The following AUTS2 variants were observed in gnomAD, a reference collection of about 807,000 sequenced individuals.
The protein encoded by AUTS2 is activator of transcription and developmental regulator AUTS2.
In AUTS2, 17 loss-of-function variants were observed where a neutral mutation model predicts 112.4. The observed-to-expected ratio is 0.15, with a 90% confidence interval of 0.10 to 0.23. The LOEUF is 0.23. AUTS2 is among the 10% of genes least tolerant of loss of function. The pLI, the probability that AUTS2 is intolerant of heterozygous loss-of-function variation, is 1.00. For synonymous variants in AUTS2, 751 were observed against 702.7 expected (o/e 1.07, Z -1.09); for missense variants, 1,510 against 1,701.6 (o/e 0.89, Z 1.98).
intron 2 of AUTS2, among the ~76,000 whole-genome samples, chr7:70,090,027 A>AATAC (rs1382868642): frequency 1.3e-5 from 2 of 150,868 alleles, no homozygotes; most frequent in African/African-American, 4.8e-5. Flanking sequence ...TAAATAAATA[A>AATAC]ATAAATAAAT....
At chr7:70,530,095 C>G (rs1800016418) in intron 5 of AUTS2, among the ~76,000 whole-genome samples, 1 of 152,112 alleles carries the variant, frequency 6.6e-6, no homozygotes, top group Non-Finnish European at 1.5e-5. Context: ...AAGGGAGATT[C>G]TAGACAACAT....
At chr7:70,213,666 GAAT>G (rs1811035150) in intron 4 of AUTS2, among the ~76,000 whole-genome samples, 3 of 152,142 alleles carry the variant, frequency 2.0e-5, no homozygotes, top group Non-Finnish European at 2.9e-5. Context: ...TCATACACTG[GAAT>G]GAGCTCTAAA....
At chr7:70,341,998 G>A in intron 4 of AUTS2, among the ~76,000 whole-genome samples, 1 of 152,210 alleles carries the variant, frequency 6.6e-6, no homozygotes, top group Non-Finnish European at 1.5e-5. Context: ...CCTCTCTGGA[G>A]GGCATGAAAC....
intron 5 of AUTS2, among the ~76,000 whole-genome samples, chr7:70,599,931 G>A (rs1207188646): frequency 6.6e-6 from 1 of 152,182 alleles, no homozygotes; most frequent in Non-Finnish European, 1.5e-5. Flanking sequence ...CACTGAAGTT[G>A]GGAGAAGCTC....
intron 6 of AUTS2, among the ~76,000 whole-genome samples, chr7:70,737,186 T>A (rs953366409): frequency 5.9e-5 from 9 of 152,192 alleles, no homozygotes; most frequent in Admixed American, 3.3e-4. Flanking sequence ...ATTTGGGTAG[T>A]GCATGCAGGC....
Position 70,789,742 on chromosome 7 carries a change from C to T in AUTS2, c.2532-6C>T. On this transcript the variant is annotated splice_polypyrimidine_tract_variant and splice_region_variant and intron_variant, in intron 18 of 18. Transcript: ENST00000342771. The stretch of plus-strand genomic sequence containing the variant: ...CTGCGTCCTTGTCTTCCCCTCTCTC[C>T]CCCAGGGAAAGCGTCGAGAAGAGAC... 9 of 1,608,574 alleles carry T rather than the reference C, an allele frequency of 5.6e-6. No individual in the cohort carries two copies. Among genetic ancestry groups the T allele is most frequent in the African/African-American group, 1.3e-5 (1 of 74,884 alleles).
At chr7:70,365,757 A>G (rs888739901) in intron 4 of AUTS2, among the ~76,000 whole-genome samples, 3 of 152,274 alleles carry the variant, frequency 2.0e-5, no homozygotes, top group African/African-American at 7.2e-5. Flanking sequence ...GTAATGAACC[A>G]AAGCTGTTAA....
At chr7:70,105,496 G>A (rs1351282708) in intron 2 of AUTS2, among the ~76,000 whole-genome samples, 1 of 152,066 alleles carries the variant, frequency 6.6e-6, no homozygotes, top group Non-Finnish European at 1.5e-5. Flanking sequence ...TCCCTCAAGT[G>A]ATCTTCCAGC....
intron 4 of AUTS2, among the ~76,000 whole-genome samples, chr7:70,394,156 C>T (rs545993370): frequency 6.6e-6 from 1 of 152,280 alleles, no homozygotes; most frequent in South Asian, 2.1e-4. Context: ...TGTTCATATG[C>T]TATCAATTAG....
chr7:69,682,314 T>C (rs1213626607), intron 1 of AUTS2, among the ~76,000 whole-genome samples: 1 of 152,212 alleles, frequency 6.6e-6, no homozygotes, highest in East Asian at 1.9e-4. Flanking sequence ...AACTTCAGTG[T>C]CGTGTTTAGA....
chr7:69,905,089 A>G (rs1337043715), intron 2 of AUTS2, among the ~76,000 whole-genome samples: 2 of 152,104 alleles, frequency 1.3e-5, no homozygotes, highest in Non-Finnish European at 2.9e-5. Flanking sequence ...GCATTTGGAA[A>G]CAGGTTTATT....
chr7:69,671,685 T>C (rs114877440), intron 1 of AUTS2, among the ~76,000 whole-genome samples: 2,365 of 152,276 alleles, frequency 0.016, 74 homozygotes, highest in African/African-American at 0.054. Flanking sequence ...ATATTGAAGA[T>C]GCTATTGGTC....
intron 4 of AUTS2, among the ~76,000 whole-genome samples, chr7:70,422,096 G>GA (rs1229545625): frequency 2.0e-5 from 3 of 151,798 alleles, no homozygotes; most frequent in Non-Finnish European, 4.4e-5. Context: ...ATAAAGGGAA[G>GA]AAAAAAAAGG....
At chr7:70,079,219 A>C (rs757977352) in intron 2 of AUTS2, among the ~76,000 whole-genome samples, 4 of 152,208 alleles carry the variant, frequency 2.6e-5, no homozygotes, top group African/African-American at 9.6e-5. Context: ...CTTTTGTGAC[A>C]AAAGGATTGT....
At chr7:69,715,978 C>T (rs1290327924) in intron 1 of AUTS2, among the ~76,000 whole-genome samples, 2 of 152,194 alleles carry the variant, frequency 1.3e-5, no homozygotes, top group African/African-American at 4.8e-5. Flanking sequence ...CTATAGAGCA[C>T]AGAGTCTTAA....
intron 1 of AUTS2, among the ~76,000 whole-genome samples, chr7:69,722,597 A>G (rs1799019885): frequency 6.6e-6 from 1 of 152,122 alleles, no homozygotes; most frequent in East Asian, 1.9e-4. Context: ...TGTCCCCGCA[A>G]AGTGCTGGGA....
At chr7:70,764,608 C>T (rs539261478) in intron 7 of AUTS2, 144 bp from the exon 8 acceptor site, 53 of 618,062 alleles carry the variant, frequency 8.6e-5, no homozygotes, top group African/African-American at 8.0e-4. Context: ...AGAAAGTGTG[C>T]TCGTACAGGG....
At chr7:70,311,284 CAT>C (rs1789738024) in intron 4 of AUTS2, among the ~76,000 whole-genome samples, 1 of 152,188 alleles carries the variant, frequency 6.6e-6, no homozygotes, top group African/African-American at 2.4e-5. Context: ...CTGTCTGGGT[CAT>C]AGCAAGCAGT....
chr7:70,619,369 G>A (rs983392975), intron 5 of AUTS2, among the ~76,000 whole-genome samples: 31 of 152,050 alleles, frequency 2.0e-4, no homozygotes, highest in African/African-American at 3.6e-4. Context: ...TGCCTCCTGC[G>A]TGCAGCCGCT....
Sources: gnomAD v4.1 joint callset for allele counts (sites outside exome capture counted in the v4.1 genomes callset) on GRCh38, gnomAD v4.1.1 for gene constraint, MANE v1.5 for transcripts, NCBI Gene and HGNC (gene_info 2026-07-23, HGNC 2026-07-21) for gene names.